Variants in ATP9B observed in about 807,000 individuals in gnomAD.
ATP9B encodes probable phospholipid-transporting ATPase IIB.
Under a neutral mutation model 146.1 loss-of-function variants are expected in ATP9B, and 110 were observed. That is an observed-to-expected ratio of 0.75 (90% CI 0.65 to 0.88). The LOEUF is 0.88. Among genes scored for constraint, ATP9B ranks in the 40% least tolerant of loss-of-function variants. The pLI is 0.00. For missense variants in ATP9B, 1,499 were observed against 1,496.4 expected, an observed-to-expected ratio of 1.00 and a Z score of -0.03; for synonymous variants, 604 against 569.7, an observed-to-expected ratio of 1.06 and a Z score of -0.86.
At chr18:79,188,198 T>G (rs887447867) in intron 8 of ATP9B, among the ~76,000 whole-genome samples, 2 of 152,096 alleles carry the variant, frequency 1.3e-5, no homozygotes, top group African/African-American at 4.8e-5. Context: ...TGAAGAAATA[T>G]GAGAGGATGT....
chr18:79,258,859 A>G (rs552320495), intron 12 of ATP9B, among the ~76,000 whole-genome samples: 1 of 152,360 alleles, frequency 6.6e-6, no homozygotes, highest in Admixed American at 6.5e-5. Flanking sequence ...GTTGATGTCA[A>G]AAGCACAGGA....
At chr18:79,084,397 C>T (rs1332986809) in intron 1 of ATP9B, among the ~76,000 whole-genome samples, 1 of 152,034 alleles carries the variant, frequency 6.6e-6, no homozygotes, top group African/African-American at 2.4e-5. Flanking sequence ...ACCATTTTAA[C>T]TATTTATAAC....
At chr18:79,309,521 A>C (rs2096640196) in intron 15 of ATP9B, among the ~76,000 whole-genome samples, 1 of 146,170 alleles carries the variant, frequency 6.8e-6, no homozygotes, top group South Asian at 2.2e-4. Flanking sequence ...GATCTCCAGC[A>C]GGTAGAAGGT....
intron 1 of ATP9B, among the ~76,000 whole-genome samples, chr18:79,094,085 CAGTTCT>C (rs1342957120): frequency 6.6e-6 from 1 of 152,206 alleles, no homozygotes; most frequent in East Asian, 1.9e-4. Context: ...TTTAGACCCC[CAGTTCT>C]GTTTCACCAC....
chr18:79,328,518 T>G (rs1341944821), intron 15 of ATP9B, among the ~76,000 whole-genome samples: 1 of 152,202 alleles, frequency 6.6e-6, no homozygotes, highest in African/African-American at 2.4e-5. Context: ...TTTTTCCACA[T>G]GACAGAAGAG....
At chr18:79,353,529 C>A (rs2096933544) in intron 25 of ATP9B, 1 of 152,302 alleles carries the variant, frequency 6.6e-6, no homozygotes, top group Non-Finnish European at 1.5e-5. Flanking sequence ...GTGGGCGAGT[C>A]CTGACACCGC....
Position 79,242,728 on chromosome 18 carries a change from T to C in ATP9B, c.1108-10653T>C, listed in dbSNP as rs73973022. ...TTATCTGTCAATCTGAGCAACTTTTTACACAATTCTCAACTCTTGGGATTG... is the reference window on the plus strand; with the variant it reads ...TTATCTGTCAATCTGAGCAACTTTTCACACAATTCTCAACTCTTGGGATTG... On this transcript the variant is annotated intron_variant, in intron 11 of 29. Transcript: ENST00000426216. Among the ~76,000 whole-genome samples the C allele has an allele frequency of 7.5e-3, 1,144 of 152,352 alleles. 14 individuals carry two copies. The highest frequency in any genetic ancestry group is 0.018 in the African/African-American group (733 of 41,582).
chr18:79,247,595 C>A (rs991268555), intron 11 of ATP9B, among the ~76,000 whole-genome samples: 3 of 152,220 alleles, frequency 2.0e-5, no homozygotes, highest in African/African-American at 7.2e-5. Context: ...TATGCATAGT[C>A]TGTAACATCA....
At chr18:79,132,310 A>G (rs947778939) in intron 5 of ATP9B, among the ~76,000 whole-genome samples, 3 of 152,388 alleles carry the variant, frequency 2.0e-5, no homozygotes, top group Admixed American at 2.0e-4. Flanking sequence ...TCACATGTCA[A>G]TAATGATAAT....
chr18:79,302,476 A>G (rs1429257367), intron 13 of ATP9B, among the ~76,000 whole-genome samples: 1 of 152,212 alleles, frequency 6.6e-6, no homozygotes, highest in African/African-American at 2.4e-5. Flanking sequence ...ACAAGGTGAA[A>G]GCACCACACA....
intron 7 of ATP9B, among the ~76,000 whole-genome samples, chr18:79,175,185 G>A (rs1182282216): frequency 1.4e-5 from 2 of 144,050 alleles, no homozygotes; most frequent in African/African-American, 5.2e-5. Flanking sequence ...TGGCGACAGA[G>A]CGAGACTGTC....
At chr18:79,218,648 T>C (rs9958270) in intron 11 of ATP9B, among the ~76,000 whole-genome samples, 57,502 of 151,626 alleles carry the variant, frequency 0.38, 11,817 homozygotes, top group African/African-American at 0.55. Flanking sequence ...CTTCGTATTC[T>C]GGGTCCAGCG....
intron 12 of ATP9B, among the ~76,000 whole-genome samples, chr18:79,261,319 T>C (rs905569693): frequency 6.6e-6 from 1 of 152,150 alleles, no homozygotes; most frequent in African/African-American, 2.4e-5. Flanking sequence ...AAAGAGTCTT[T>C]GCAGTTATAA....
chr18:79,206,879 G>T (rs773759600), intron 9 of ATP9B, 58 bp from the exon 10 acceptor site: 124 of 1,507,262 alleles, frequency 8.2e-5, no homozygotes, highest in Non-Finnish European at 1.0e-4. Context: ...GGTTATATAA[G>T]GTGTGAATAA....
At chr18:79,149,511 A>G (rs2094648463) in intron 6 of ATP9B, among the ~76,000 whole-genome samples, 1 of 152,164 alleles carries the variant, frequency 6.6e-6, no homozygotes. Context: ...GAATAGGAAA[A>G]TATTTCTTAG....
Position 79,367,608 on chromosome 18 carries a change from A to G in ATP9B, c.3013-5217A>G, listed in dbSNP as rs1468056477. On this transcript the variant is annotated intron_variant, in intron 26 of 29. Coordinates refer to ENST00000426216, the MANE Select transcript of ATP9B (RefSeq NM_198531.5). ...CAGAGGATTCCAGTTATAAATGGTG[A>G]AGGAACCAGGGCAGTTGGAGGCCCC... Among the ~76,000 whole-genome samples, 5 of 152,388 alleles carry G rather than the reference A, an allele frequency of 3.3e-5. No homozygotes were observed. In the East Asian group the frequency reaches 9.6e-4, roughly 29 times the overall value.
intron 26 of ATP9B, among the ~76,000 whole-genome samples, chr18:79,366,905 G>A (rs936120022): frequency 9.2e-5 from 14 of 152,236 alleles, no homozygotes; most frequent in Non-Finnish European, 1.8e-4. Flanking sequence ...CAGGTCTGAC[G>A]GCGTCAGAGG....
intron 13 of ATP9B, among the ~76,000 whole-genome samples, chr18:79,287,257 T>TAAA (rs2096454344): frequency 1.3e-5 from 2 of 152,236 alleles, no homozygotes; most frequent in African/African-American, 4.8e-5. Context: ...TTGGACTCTT[T>TAAA]TTGGTTGGTA....
At chr18:79,250,100 A>G (rs1287028805) in intron 11 of ATP9B, among the ~76,000 whole-genome samples, 2 of 152,260 alleles carry the variant, frequency 1.3e-5, no homozygotes, top group Non-Finnish European at 2.9e-5. Flanking sequence ...GTCTTCATCA[A>G]TGAGAAAGGT....
Sources: gnomAD v4.1 joint callset for allele counts (sites outside exome capture counted in the v4.1 genomes callset) on GRCh38, gnomAD v4.1.1 for gene constraint, MANE v1.5 for transcripts, NCBI Gene and HGNC (gene_info 2026-07-23, HGNC 2026-07-21) for gene names.